B4GALNT3: variants seen among roughly 807,000 people sequenced by gnomAD.
B4GALNT3 encodes beta-1,4-N-acetylgalactosaminyltransferase 3.
In B4GALNT3, 86 loss-of-function variants were observed where a neutral mutation model predicts 120.2. That is an observed-to-expected ratio of 0.72 (90% CI 0.60 to 0.86). B4GALNT3 has a LOEUF of 0.86. B4GALNT3 is among the 40% of genes least tolerant of loss of function. The pLI, the probability that B4GALNT3 is intolerant of heterozygous loss-of-function variation, is 0.00. For missense variants in B4GALNT3, 1,167 were observed against 1,298.9 expected (o/e 0.90, Z 1.56); for synonymous variants, 518 against 510.4 (o/e 1.01, Z -0.20).
At position 559,395 on chromosome 12, in the gene B4GALNT3, C is replaced by A. The variant is rs200536520; in HGVS notation, c.2862C>A (p.Gly954=). 44 of 1,613,718 alleles carry A rather than the reference C, an allele frequency of 2.7e-5. No homozygotes were observed. The highest frequency in any genetic ancestry group is 3.6e-5 in the Non-Finnish European group (43 of 1,179,882). Residue 954 remains glycine (G), a synonymous_variant, in exon 19 of 20, where the codon GGC becomes GGA. Transcript: ENST00000266383. ...CCAAGGAGTTCCGAGACCGCTGGGGCGGGGAAGACTGGGAGCTGCTGGACA... is the reference window on the plus strand; with the variant it reads ...CCAAGGAGTTCCGAGACCGCTGGGGAGGGGAAGACTGGGAGCTGCTGGACA... The part of the protein sequence containing the change: ...MNTKEFRDRW[G]GEDWELLDRI...
chr12:523,788 C>A (rs568202492), intron 1 of B4GALNT3, among the ~76,000 whole-genome samples: 1 of 152,220 alleles, frequency 6.6e-6, no homozygotes, highest in Non-Finnish European at 1.5e-5. Flanking sequence ...ATAGGCCGGG[C>A]GCAGTGGCTC....
intron 13 of B4GALNT3, 151 bp from the exon 14 acceptor site, chr12:553,043 C>T (rs1315950639): frequency 3.5e-6 from 4 of 1,141,440 alleles, no homozygotes; most frequent in Non-Finnish European, 5.0e-6. Context: ...AGTACCTTGC[C>T]CAGGGTCACA....
At chr12:489,905 C>T (rs1259066939) in intron 1 of B4GALNT3, among the ~76,000 whole-genome samples, 1 of 152,180 alleles carries the variant, frequency 6.6e-6, no homozygotes, top group African/African-American at 2.4e-5. Context: ...TAGAGTTATA[C>T]AATGTCTGAT....
At chr12:540,750 T>G (rs753156672) in intron 3 of B4GALNT3, among the ~76,000 whole-genome samples, 6 of 152,176 alleles carry the variant, frequency 3.9e-5, no homozygotes, top group Middle Eastern at 6.8e-3. Flanking sequence ...TTTTTTTCTT[T>G]TCTTTTTTTT....
chr12:535,313 A>G (rs913917017), intron 2 of B4GALNT3, 44 bp downstream of exon 2: 1 of 1,550,772 alleles, frequency 6.4e-7, no homozygotes, highest in Non-Finnish European at 8.9e-7. Context: ...TGCCTTAACA[A>G]AGGTCCGCAG....
At chr12:487,956 CA>C in intron 1 of B4GALNT3, among the ~76,000 whole-genome samples, 1 of 152,052 alleles carries the variant, frequency 6.6e-6, no homozygotes, top group Non-Finnish European at 1.5e-5. Flanking sequence ...GTCTCCAAAA[CA>C]AACAAAAAAC....
In B4GALNT3 at chr12:511,321, GCCTTCCACCTTCCACCTT is replaced by G. The variant is rs1367072143; in HGVS notation, c.170-23824_170-23807del. Among the ~76,000 whole-genome samples the G allele has an allele frequency of 9.1e-4, 14 of 15,388 alleles. 1 individual carries two copies. The highest frequency in any genetic ancestry group is 2.3e-4 in the Non-Finnish European group (2 of 8,668). The allele number at this position is 15,388 out of a possible 152,430, so 10.1% of individuals were successfully genotyped here. A position where few individuals can be genotyped will look rare whatever the true frequency, so the allele number is the denominator to read the frequency against. On this transcript the variant is annotated intron_variant, in intron 1 of 19. Coordinates refer to ENST00000266383, the MANE Select transcript of B4GALNT3 (RefSeq NM_173593.4). ...TTCCACCTTCCACCTTCCGCCTTCTGCCTTCCACCTTCCACCTTCCTTCCACCTTCCACCTTCCACCTT... is the reference window on the plus strand; with the variant it reads ...TTCCACCTTCCACCTTCCGCCTTCTGCCTTCCACCTTCCACCTTCCACCTT...
chr12:554,527 A>C (rs1168362164), intron 14 of B4GALNT3, among the ~76,000 whole-genome samples: 2 of 152,170 alleles, frequency 1.3e-5, no homozygotes, highest in African/African-American at 4.8e-5. Flanking sequence ...GCGGTGGCTC[A>C]CGCCTGTAAT....
At chr12:558,127 G>A (rs1398246894) in intron 17 of B4GALNT3, 39 bp downstream of exon 17, 1 of 1,601,948 alleles carries the variant, frequency 6.2e-7, no homozygotes. Flanking sequence ...TGGAATTCAA[G>A]GCTGGTTAAG....
intron 1 of B4GALNT3, among the ~76,000 whole-genome samples, chr12:480,503 A>ACATTACGGAAGGCTTGACGGC (rs142297546): frequency 8.7e-5 from 13 of 150,142 alleles, no homozygotes; most frequent in African/African-American, 2.2e-4. Flanking sequence ...GGTCCCCCTG[A>ACATTACGGAAGGCTTGACGGC]CTGACATTAT....
intron 1 of B4GALNT3, among the ~76,000 whole-genome samples, chr12:491,057 CCAGA>C (rs1946335493): frequency 6.6e-6 from 1 of 152,034 alleles, no homozygotes; most frequent in Non-Finnish European, 1.5e-5. Flanking sequence ...AATACCAGAC[CCAGA>C]CAAAGACCTT....
Position 546,720 on chromosome 12 carries a change from G to T in B4GALNT3, c.707+7G>T. The T allele has an allele frequency of 6.4e-7, 1 of 1,551,270 alleles. No homozygotes were observed. Among genetic ancestry groups the T allele is most frequent in the Non-Finnish European group, 8.7e-7 (1 of 1,146,746 alleles). ...AAATTTCCAAGCCGGTGAGGTGAGT[G>T]AGGGTCAGGACAGGCGCTGTGGGCG... is the stretch of plus-strand genomic sequence containing the variant. On this transcript the variant is annotated splice_region_variant and intron_variant, in intron 7 of 19. Coordinates refer to ENST00000266383, the MANE Select transcript of B4GALNT3 (RefSeq NM_173593.4).
In B4GALNT3 at chr12:544,917, C is replaced by A; in HGVS notation, c.483C>A (p.Pro161=). Residue 161 remains proline, a synonymous_variant, in exon 5 of 20, where the codon CCC becomes CCA. Coordinates refer to ENST00000266383, the MANE Select transcript of B4GALNT3 (RefSeq NM_173593.4). ...RTTLRKLAVS[P]KWTNYGLRIF... is the part of the protein sequence containing the mutation. ...CCCTGAGGAAGCTTGCTGTGTCCCC[C>A]AAATGGACCAACTATGGCCTCCGCA... 6.2e-7 allele frequency: 1 copy of A among 1,614,076 alleles called. No homozygotes were observed. The highest frequency in any genetic ancestry group is 8.5e-7 in the Non-Finnish European group (1 of 1,180,000).
Position 548,290 on chromosome 12 carries a change from C to T in B4GALNT3, c.846C>T (p.Leu282=). 1 of 1,614,018 alleles carries T rather than the reference C, an allele frequency of 6.2e-7. No homozygotes were observed. Among genetic ancestry groups the T allele is most frequent in the South Asian group, 1.1e-5 (1 of 91,082 alleles). The change falls in exon 9 of 20, where the codon CTC becomes CTT. Residue 282 remains leucine (L), a synonymous_variant. Transcript: ENST00000266383. This position sits in a 1 kb window ranked among gnomAD's most constrained non-coding sequence, Gnocchi z 4.9. ...TCATTGACTCCCTCTCCCTGTCCCT[C>T]TTCACAAGTGAGTAGGCTCTGGCCC... is the stretch of plus-strand genomic sequence containing the variant. ...FTIIDSLSLS[L]FTNETFLQMD... is the part of the protein sequence containing the mutation.
intron 1 of B4GALNT3, among the ~76,000 whole-genome samples, chr12:500,355 G>T (rs993738760): frequency 5.3e-5 from 8 of 152,182 alleles, no homozygotes; most frequent in Non-Finnish European, 1.2e-4. Flanking sequence ...CTGGATAAAG[G>T]TTCTGAAAGC....
chr12:501,066 G>A (rs1321544390), intron 1 of B4GALNT3, among the ~76,000 whole-genome samples: 1 of 151,644 alleles, frequency 6.6e-6, no homozygotes. Flanking sequence ...GTAGAGACAG[G>A]GTTTCACCAT....
intron 1 of B4GALNT3, among the ~76,000 whole-genome samples, chr12:478,994 G>A (rs1459263973): frequency 6.6e-6 from 1 of 152,188 alleles, no homozygotes; most frequent in African/African-American, 2.4e-5. Flanking sequence ...GGAAGACAGA[G>A]GTTACAGCCT....
At chr12:491,998 C>T (rs1246082071) in intron 1 of B4GALNT3, among the ~76,000 whole-genome samples, 1 of 148,508 alleles carries the variant, frequency 6.7e-6, no homozygotes, top group East Asian at 2.0e-4. Context: ...GCGGAGGTTG[C>T]AGTGAGCGGA....
chr12:542,587 G>C (rs1946930238), intron 3 of B4GALNT3, among the ~76,000 whole-genome samples: 1 of 151,734 alleles, frequency 6.6e-6, no homozygotes, highest in Non-Finnish European at 1.5e-5. Context: ...GAGGCCCACT[G>C]TCAGGATGAT....
Sources: gnomAD v4.1 joint callset for allele counts (sites outside exome capture counted in the v4.1 genomes callset) on GRCh38, gnomAD v4.1.1 for gene constraint, Gnocchi (gnomAD v3.1) non-coding constraint, MANE v1.5 for transcripts, NCBI Gene and HGNC (gene_info 2026-07-23, HGNC 2026-07-21) for gene names.